TBC1D22A: variants seen among roughly 807,000 people sequenced by gnomAD.
TBC1D22A encodes the protein putative GTPase activator.
In TBC1D22A, 38 loss-of-function variants were observed where a neutral mutation model predicts 60.2. That is an observed-to-expected ratio of 0.63 (90% CI 0.49 to 0.83). TBC1D22A has a LOEUF of 0.83. Among genes scored for constraint, TBC1D22A ranks in the 40% least tolerant of loss-of-function variants. The probability of loss-of-function intolerance (pLI) is 0.00; values close to 1 mark genes in which losing one functional copy is unlikely to be tolerated. For synonymous variants in TBC1D22A, 302 were observed against 281.7 expected, an observed-to-expected ratio of 1.07 and a Z score of -0.72; for missense variants, 628 against 701.0, an observed-to-expected ratio of 0.90 and a Z score of 1.18.
At chr22:46,803,718 G>T (rs960705851) in intron 4 of TBC1D22A, among the ~76,000 whole-genome samples, 1 of 152,080 alleles carries the variant, frequency 6.6e-6, no homozygotes, top group African/African-American at 2.4e-5. Context: ...GGCTAACTCG[G>T]CCTTGCCCTG....
intron 4 of TBC1D22A, among the ~76,000 whole-genome samples, chr22:46,855,839 G>T (rs1300049358): frequency 6.6e-6 from 1 of 152,188 alleles, no homozygotes; most frequent in African/African-American, 2.4e-5. Flanking sequence ...ATATGTAGGG[G>T]ACTGTGGGAT....
At chr22:46,835,074 A>G (rs1204520798) in intron 4 of TBC1D22A, among the ~76,000 whole-genome samples, 1 of 152,224 alleles carries the variant, frequency 6.6e-6, no homozygotes, top group Non-Finnish European at 1.5e-5. Flanking sequence ...TGGAGTGGGT[A>G]CATTAATAGG....
intron 11 of TBC1D22A, among the ~76,000 whole-genome samples, chr22:47,092,817 C>T (rs1452168622): frequency 6.6e-6 from 1 of 152,196 alleles, no homozygotes; most frequent in Non-Finnish European, 1.5e-5. Flanking sequence ...TCAGGGCTCA[C>T]AGTGGTTCTC....
intron 10 of TBC1D22A, among the ~76,000 whole-genome samples, 190 bp from the exon 11 acceptor site, chr22:47,036,881 G>A (rs544354157): frequency 1.3e-5 from 2 of 152,354 alleles, no homozygotes; most frequent in Non-Finnish European, 2.9e-5. Context: ...TCGCTTTCCT[G>A]TAGGAAGGGA....
chr22:47,084,195 A>G (rs2064587611), intron 11 of TBC1D22A, among the ~76,000 whole-genome samples: 3 of 152,196 alleles, frequency 2.0e-5, no homozygotes, highest in African/African-American at 2.4e-5. Context: ...GAAACATGAC[A>G]TTTCTCAGTC....
At chr22:46,888,176 C>T (rs5769203) in intron 5 of TBC1D22A, among the ~76,000 whole-genome samples, 85,683 of 152,024 alleles carry the variant, frequency 0.56, 26,983 homozygotes, top group Middle Eastern at 0.78. Context: ...CCTTGGGCCA[C>T]CTCTCCACCT....
chr22:46,831,843 C>T (rs898163699), intron 4 of TBC1D22A, among the ~76,000 whole-genome samples: 2 of 152,170 alleles, frequency 1.3e-5, no homozygotes, highest in Non-Finnish European at 2.9e-5. Flanking sequence ...GATAGATCAT[C>T]GTGGCGAAGT....
intron 7 of TBC1D22A, among the ~76,000 whole-genome samples, chr22:46,905,065 C>T (rs1054258090): frequency 6.6e-5 from 10 of 152,208 alleles, no homozygotes; most frequent in South Asian, 2.1e-4. Flanking sequence ...TGAGCCACCG[C>T]GCCCGGCTGA....
At chr22:46,996,343 T>G (rs2075121255) in intron 9 of TBC1D22A, among the ~76,000 whole-genome samples, 1 of 152,222 alleles carries the variant, frequency 6.6e-6, no homozygotes, top group Non-Finnish European at 1.5e-5. Context: ...GGCAGTCATC[T>G]CCCAGTGCTG....
At chr22:46,813,612 AAG>A (rs2085472139) in intron 4 of TBC1D22A, among the ~76,000 whole-genome samples, 1 of 152,222 alleles carries the variant, frequency 6.6e-6, no homozygotes, top group African/African-American at 2.4e-5. Flanking sequence ...CCAATGGAGA[AAG>A]AGATCTGCCG....
chr22:46,971,783 C>T (rs779368979), intron 8 of TBC1D22A, among the ~76,000 whole-genome samples: 1 of 152,220 alleles, frequency 6.6e-6, no homozygotes, highest in African/African-American at 2.4e-5. Context: ...CTTGGGCTGC[C>T]GTGGGAAATT....
At chr22:47,156,168 A>G (rs1349842817) in intron 12 of TBC1D22A, among the ~76,000 whole-genome samples, 2 of 152,120 alleles carry the variant, frequency 1.3e-5, no homozygotes, top group Non-Finnish European at 2.9e-5. Flanking sequence ...CCCATACCCC[A>G]TGGTTTCACA....
chr22:47,059,474 A>G (rs1310410094), intron 11 of TBC1D22A, among the ~76,000 whole-genome samples: 1 of 152,194 alleles, frequency 6.6e-6, no homozygotes, highest in Non-Finnish European at 1.5e-5. Context: ...TAAAAGTTTT[A>G]AAGTTTTCTC....
rs140758792 is a variant in TBC1D22A, at chr22:47,061,456, C to T, written c.1329+24258C>T. 2.8e-3 allele frequency among the ~76,000 whole-genome samples: 422 copies of T among 152,258 alleles called. 4 individuals are homozygous for T. Among genetic ancestry groups the T allele is most frequent in the African/African-American group, 8.8e-3 (365 of 41,568 alleles). ...GGGGATGTCCTTTCCTGCTCGTCCT[C>T]AGCCACCAGCACTTGGCAGAGCCCT... On this transcript the variant is annotated intron_variant, in intron 11 of 12. Coordinates refer to ENST00000337137, the MANE Select transcript of TBC1D22A (RefSeq NM_014346.5).
chr22:47,112,210 G>T (rs370781603), intron 12 of TBC1D22A, among the ~76,000 whole-genome samples: 2 of 152,338 alleles, frequency 1.3e-5, no homozygotes, highest in Admixed American at 6.5e-5. Context: ...TCTGTGAGGC[G>T]TCCCGGGCAC....
rs551603261 is a variant in TBC1D22A, at chr22:47,001,207, C to T, written c.1201+3498C>T. On this transcript the variant is annotated intron_variant, in intron 10 of 12. Coordinates refer to ENST00000337137, the MANE Select transcript of TBC1D22A (RefSeq NM_014346.5). Reference sequence around the variant, plus strand: ...TGTTTGAACCTCAGTTATGATGATTCTATACTGGAGTTCCCCAGAATGCTA... The same window carrying T: ...TGTTTGAACCTCAGTTATGATGATTTTATACTGGAGTTCCCCAGAATGCTA... 1.1e-3 allele frequency among the ~76,000 whole-genome samples: 165 copies of T among 151,826 alleles called. 2 individuals carry two copies. The South Asian group carries it at 0.034, about 31-fold the overall frequency.
In TBC1D22A at chr22:46,997,615, A is replaced by C; in HGVS notation, c.1126-19A>C. The C allele has an allele frequency of 6.2e-7, 1 of 1,605,752 alleles. No homozygotes were observed. The highest frequency in any genetic ancestry group is 8.5e-7 in the Non-Finnish European group (1 of 1,173,326). ...TTTATTTTATATGCATATGATTCACATTATTCTTTTTTCCTTAGGACAACT... is the reference window on the plus strand; with the variant it reads ...TTTATTTTATATGCATATGATTCACCTTATTCTTTTTTCCTTAGGACAACT... On this transcript the variant is annotated intron_variant, in intron 9 of 12. Transcript: ENST00000337137.
intron 1 of TBC1D22A, among the ~76,000 whole-genome samples, chr22:46,774,682 A>G (rs1158478907): frequency 6.6e-6 from 1 of 152,188 alleles, no homozygotes; most frequent in East Asian, 1.9e-4. Context: ...CCGAGCTCCT[A>G]GGGGAACGGG....
At chr22:47,034,235 C>G (rs969348060) in intron 10 of TBC1D22A, among the ~76,000 whole-genome samples, 1 of 152,218 alleles carries the variant, frequency 6.6e-6, no homozygotes, top group Non-Finnish European at 1.5e-5. Flanking sequence ...CCTCCCCTCC[C>G]TCAGTGTGGA....
Sources: allele counts gnomAD v4.1 joint callset (sites outside exome capture counted in the v4.1 genomes callset), GRCh38; gene constraint gnomAD v4.1.1; transcripts MANE v1.5; gene names NCBI Gene and HGNC (gene_info 2026-07-23, HGNC 2026-07-21).